Variants in PEBP4 observed in about 807,000 individuals in gnomAD.
PEBP4 encodes phosphatidylethanolamine binding protein 4.
A neutral mutation model predicts 23.9 loss-of-function variants in PEBP4; 22 were observed. That is an observed-to-expected ratio of 0.92 (90% CI 0.66 to 1.31). PEBP4 has a LOEUF of 1.31. PEBP4 is among the 40% of genes most tolerant of loss of function. The pLI is 0.00. For synonymous variants in PEBP4, 112 were observed against 99.3 expected (o/e 1.13, Z -0.76); for missense variants, 324 against 281.7 (o/e 1.15, Z -1.07).
intron 4 of PEBP4, among the ~76,000 whole-genome samples, chr8:22,813,895 T>TG (rs1460252571): frequency 7.2e-5 from 11 of 152,202 alleles, no homozygotes; most frequent in Non-Finnish European, 1.3e-4. Context: ...AGCCAGCCTC[T>TG]GGGGGTCTCG....
chr8:22,925,250 G>C (rs1052598769), intron 2 of PEBP4: 1 of 985,312 alleles, frequency 1.0e-6, no homozygotes, highest in Admixed American at 6.1e-5. Flanking sequence ...AAGGTCATAA[G>C]TCTCTTTCTC....
At chr8:22,907,470 C>T (rs1038743853) in intron 3 of PEBP4, among the ~76,000 whole-genome samples, 4 of 152,014 alleles carry the variant, frequency 2.6e-5, no homozygotes, top group African/African-American at 9.7e-5. Flanking sequence ...CGAGATCGTG[C>T]CACTGCACTC....
At position 22,806,563 on chromosome 8, in the gene PEBP4, C is replaced by T. The variant is rs527549890; in HGVS notation, c.357+11074G>A. ...CCAGAAGGCGGAGGTTGCAATGAGC[C>T]GAGATCATGCCACTGCACTCCAGCC... On this transcript the variant is annotated intron_variant, in intron 4 of 6. Transcript: ENST00000256404. 2.0e-5 allele frequency among the ~76,000 whole-genome samples: 3 copies of T among 147,126 alleles called. No homozygotes were observed. The South Asian group carries it at 6.4e-4, about 31-fold the overall frequency.
chr8:22,755,531 C>T (rs1173868860), intron 4 of PEBP4, among the ~76,000 whole-genome samples: 1 of 151,890 alleles, frequency 6.6e-6, no homozygotes, highest in African/African-American at 2.4e-5. Flanking sequence ...AGATGGGGTT[C>T]TACCATGTTG....
chr8:22,722,567 A>G (rs1231739415), intron 6 of PEBP4, among the ~76,000 whole-genome samples: 1 of 152,238 alleles, frequency 6.6e-6, no homozygotes, highest in Non-Finnish European at 1.5e-5. Context: ...AGTTAGAATC[A>G]CACAATTAAG....
At chr8:22,726,742 G>A (rs1001276569) in intron 5 of PEBP4, among the ~76,000 whole-genome samples, 89 of 152,330 alleles carry the variant, frequency 5.8e-4, no homozygotes, top group African/African-American at 1.9e-3. Flanking sequence ...GCTGCTTCAC[G>A]GAACTGCAGG....
intron 3 of PEBP4, among the ~76,000 whole-genome samples, chr8:22,870,754 C>G (rs1246870046): frequency 6.6e-6 from 1 of 152,038 alleles, no homozygotes; most frequent in Non-Finnish European, 1.5e-5. Flanking sequence ...CCAAAAACTG[C>G]TCTAAAAAGT....
chr8:22,766,720 G>T (rs145851263), intron 4 of PEBP4, among the ~76,000 whole-genome samples: 2 of 152,338 alleles, frequency 1.3e-5, no homozygotes, highest in African/African-American at 4.8e-5. Flanking sequence ...CCAATATGAA[G>T]ATGGTTCTTT....
intron 3 of PEBP4, among the ~76,000 whole-genome samples, chr8:22,863,962 C>T (rs1466964083): frequency 6.6e-6 from 1 of 152,134 alleles, no homozygotes; most frequent in Non-Finnish European, 1.5e-5. Flanking sequence ...TCTCTTGCCC[C>T]GACTACTGTA....
intron 3 of PEBP4, among the ~76,000 whole-genome samples, chr8:22,836,463 A>G (rs1468547691): frequency 1.3e-5 from 2 of 152,242 alleles, no homozygotes; most frequent in East Asian, 1.9e-4. Flanking sequence ...CATCCATGCT[A>G]CAAACATATA....
intron 5 of PEBP4, 98 bp downstream of exon 5, chr8:22,727,077 G>A: frequency 7.4e-7 from 1 of 1,342,996 alleles, no homozygotes. Context: ...CTCTCAGGCT[G>A]GTGCTAGCAC....
At chr8:22,715,967 C>T (rs189514619) in intron 6 of PEBP4, among the ~76,000 whole-genome samples, 2 of 152,124 alleles carry the variant, frequency 1.3e-5, no homozygotes, top group African/African-American at 4.8e-5. Context: ...GCAGAGAGTC[C>T]GCGGCCAGGC....
At chr8:22,795,805 T>G (rs4871835) in intron 4 of PEBP4, among the ~76,000 whole-genome samples, 56,019 of 152,090 alleles carry the variant, frequency 0.37, 10,600 homozygotes, top group Middle Eastern at 0.45. Context: ...GGTAATATTT[T>G]AACGATATTT....
At chr8:22,713,572 A>G (rs752069684) in intron 6 of PEBP4, 36 bp from the exon 7 acceptor site, 3 of 1,613,768 alleles carry the variant, frequency 1.9e-6, no homozygotes, top group Non-Finnish European at 1.7e-6. Context: ...AGGCAGTGAG[A>G]AAGAGCCATG....
intron 4 of PEBP4, among the ~76,000 whole-genome samples, chr8:22,731,217 C>T (rs1051677805): frequency 4.6e-5 from 7 of 152,066 alleles, no homozygotes; most frequent in Admixed American, 2.0e-4. Flanking sequence ...CTGCCTCTCC[C>T]GCCTCCTGTT....
intron 4 of PEBP4, among the ~76,000 whole-genome samples, chr8:22,816,076 C>T (rs1031199041): frequency 6.6e-6 from 1 of 152,224 alleles, no homozygotes; most frequent in Non-Finnish European, 1.5e-5. Flanking sequence ...GGCCTAAGTT[C>T]AGAAAATGAC....
Position 22,824,950 on chromosome 8 carries a change from G to A in PEBP4, c.259-7215C>T, listed in dbSNP as rs376829937. ...GTACTGGGGGTTGGGGACTCCTGCT[G>A]TAGGGTGAGTCTGCATTGCAGGGCA... On this transcript the variant is annotated intron_variant, in intron 3 of 6. Coordinates refer to ENST00000256404, the MANE Select transcript of PEBP4 (RefSeq NM_144962.3). Among the ~76,000 whole-genome samples the A allele has an allele frequency of 2.0e-4, 30 of 152,310 alleles. 1 individual carries two copies. In the South Asian group the frequency reaches 6.2e-3, roughly 32 times the overall value.
chr8:22,854,069 T>C (rs1020994616), intron 3 of PEBP4, among the ~76,000 whole-genome samples: 11 of 152,192 alleles, frequency 7.2e-5, no homozygotes, highest in African/African-American at 2.7e-4. Flanking sequence ...TGCACACAGA[T>C]AGGTGGTCTC....
chr8:22,768,911 C>T (rs1321641158), intron 4 of PEBP4, among the ~76,000 whole-genome samples: 3 of 152,154 alleles, frequency 2.0e-5, no homozygotes, highest in South Asian at 4.1e-4. Flanking sequence ...CTGGGACAGT[C>T]GTCTCCGGGG....
Sources: allele counts gnomAD v4.1 joint callset (sites outside exome capture counted in the v4.1 genomes callset), GRCh38; gene constraint gnomAD v4.1.1; transcripts MANE v1.5; gene names NCBI Gene and HGNC (gene_info 2026-07-23, HGNC 2026-07-21).